Variants in COL18A1 observed in about 807,000 individuals in gnomAD.
COL18A1 encodes the protein collagen alpha-1(XVIII) chain.
COL18A1 carries 133 observed loss-of-function variants against 168.0 expected under a neutral mutation model. That is an observed-to-expected ratio of 0.79 (90% CI 0.69 to 0.91). The LOEUF is 0.91. COL18A1 is among the 40% of genes least tolerant of loss of function. COL18A1 has a pLI of 0.00. For missense variants in COL18A1, 2,126 were observed against 1,925.4 expected (o/e 1.10, Z -1.95); for synonymous variants, 949 against 809.0 (o/e 1.17, Z -2.94).
chr21:45,474,462 C>CTG (rs745832711), intron 4 of COL18A1, among the ~76,000 whole-genome samples: 2 of 132,194 alleles, frequency 1.5e-5, no homozygotes, highest in African/African-American at 6.5e-5. Flanking sequence ...TAGTGTGTCT[C>CTG]TGTGTGTGGT....
intron 15 of COL18A1, among the ~76,000 whole-genome samples, 161 bp downstream of exon 15, chr21:45,482,982 C>T (rs1177231620): frequency 1.1e-4 from 16 of 152,220 alleles, no homozygotes; most frequent in South Asian, 2.1e-4. Context: ...CTGCCGGAAT[C>T]GCGGGCAGCA....
intron 2 of COL18A1, chr21:45,419,931 T>C (rs1300918082): frequency 6.6e-6 from 1 of 152,222 alleles, no homozygotes; most frequent in African/African-American, 2.4e-5. Flanking sequence ...CCCCGCTCTG[T>C]GGCCCGGTGG....
At chr21:45,428,572 C>T (rs1011687924) in intron 2 of COL18A1, among the ~76,000 whole-genome samples, 1 of 152,186 alleles carries the variant, frequency 6.6e-6, no homozygotes, top group Admixed American at 6.5e-5. Flanking sequence ...CACCACTGCC[C>T]AACTCTAGAA....
chr21:45,509,629 C>G (rs771695982), intron 39 of COL18A1, 28 bp downstream of exon 39: 3 of 1,207,012 alleles, frequency 2.5e-6, no homozygotes, highest in South Asian at 2.6e-5. Context: ...GTGGGCTTGG[C>G]TCCATCTAGC....
chr21:45,427,101 G>A (rs1027972148), intron 2 of COL18A1, among the ~76,000 whole-genome samples: 1 of 152,170 alleles, frequency 6.6e-6, no homozygotes, highest in South Asian at 2.1e-4. Flanking sequence ...TTAAAAAGCC[G>A]GGCTCTCTCC....
chr21:45,492,799 G>T (rs1450912645), intron 24 of COL18A1, 86 bp downstream of exon 24: 1 of 1,066,874 alleles, frequency 9.4e-7, no homozygotes, highest in East Asian at 2.4e-5. Flanking sequence ...GTCGAGCTGG[G>T]GTGGGCCTTG....
chr21:45,479,555 TATCACACATGTA>T (rs1260812441), intron 9 of COL18A1, among the ~76,000 whole-genome samples: 1 of 146,440 alleles, frequency 6.8e-6, no homozygotes, highest in Non-Finnish European at 1.5e-5. Context: ...CACACATACA[TATCACACATGTA>T]CACACCACAC....
At chr21:45,424,935 T>C (rs903237072) in intron 2 of COL18A1, 1 of 152,332 alleles carries the variant, frequency 6.6e-6, no homozygotes, top group African/African-American at 2.4e-5. Context: ...TTCTCTTTGA[T>C]GTGTTTCCAC....
At chr21:45,499,695 G>A (rs1441546636) in intron 32 of COL18A1, among the ~76,000 whole-genome samples, 1 of 152,238 alleles carries the variant, frequency 6.6e-6, no homozygotes, top group Non-Finnish European at 1.5e-5. Flanking sequence ...TCAGCGCCCT[G>A]GGGAGTGGTG....
At chr21:45,495,200 A>C in intron 28 of COL18A1, 158 bp from the exon 29 acceptor site, 1 of 696,038 alleles carries the variant, frequency 1.4e-6, no homozygotes. Context: ...TGTGCAGGAA[A>C]GGGGTGAGAA....
chr21:45,480,707 G>A lies in COL18A1; in HGVS notation c.1460G>A (p.Arg487Gln), dbSNP rs371292624. The A allele has an allele frequency of 6.5e-5, 105 of 1,610,766 alleles. No individual in the cohort carries two copies. The highest frequency in any genetic ancestry group is 8.5e-5 in the Non-Finnish European group (100 of 1,179,952). ...GGDLEALRGPRGFPGPPGPPG... is the reference protein window; with the variant it reads ...GGDLEALRGPQGFPGPPGPPG... ...GTGTTCGCCCACGTCCAGGGTCCTC[G>A]AGGCTTCCCTGGACCTCCCGGACCC... The change falls in exon 13 of 42, where the codon CGA becomes CAA. Residue 487 changes from arginine (R) to glutamine (Q), a missense_variant. Physicochemically the swap from Arg to Gln is conservative, Grantham distance 43. Coordinates refer to ENST00000651438, the MANE Select transcript of COL18A1 (RefSeq NM_001379500.1).
chr21:45,425,810 C>T lies in COL18A1; in HGVS notation c.106+20337C>T, dbSNP rs995376847. Among the ~76,000 whole-genome samples, 6 of 151,466 alleles carry T rather than the reference C, an allele frequency of 4.0e-5. No individual in the cohort carries two copies. Among genetic ancestry groups the T allele is most frequent in the Admixed American group, 6.6e-5 (1 of 15,234 alleles). The stretch of plus-strand genomic sequence containing the variant: ...GCAAAGCCAGAGCGCCAAGGGCTCT[C>T]GGGATTCACGAGATCCACATTTATC... On this transcript the variant is annotated intron_variant, in intron 2 of 41. Coordinates refer to ENST00000651438, the MANE Select transcript of COL18A1 (RefSeq NM_001379500.1). The surrounding 1 kb of genome is among the most constrained non-coding windows in gnomAD (Gnocchi z 4.1).
At chr21:45,455,355 C>A (rs2034757431) in intron 2 of COL18A1, 3 of 837,032 alleles carry the variant, frequency 3.6e-6, no homozygotes, top group Non-Finnish European at 5.5e-6. Context: ...GGGTGCTGGG[C>A]ACCTTGATTC....
intron 2 of COL18A1, among the ~76,000 whole-genome samples, chr21:45,434,855 C>G (rs2034058180): frequency 6.6e-6 from 1 of 152,190 alleles, no homozygotes; most frequent in Admixed American, 6.5e-5. Context: ...GCTGGGGTCT[C>G]TCTGGTGAGG....
chr21:45,434,899 AC>A (rs2034059467), intron 2 of COL18A1, among the ~76,000 whole-genome samples: 2 of 151,992 alleles, frequency 1.3e-5, no homozygotes, highest in African/African-American at 4.8e-5. Flanking sequence ...CCGGTCCTAG[AC>A]CAGGCCCTGG....
chr21:45,504,410 C>T lies in COL18A1; in HGVS notation c.2728-6C>T. The T allele has an allele frequency of 6.2e-7, 1 of 1,610,906 alleles. No individual in the cohort carries two copies. Among genetic ancestry groups the T allele is most frequent in the Non-Finnish European group, 8.5e-7 (1 of 1,178,922 alleles). On this transcript the variant is annotated splice_region_variant and splice_polypyrimidine_tract_variant and intron_variant, in intron 33 of 41. Transcript: ENST00000651438. ...GCTCCCGTGTAACAAGTGTTTCCGT[C>T]CACAGGGGGAGAAGGGAGACCGAGG...
At chr21:45,484,751 TGTA>T (rs1195101452) in intron 15 of COL18A1, among the ~76,000 whole-genome samples, 2 of 152,364 alleles carry the variant, frequency 1.3e-5, no homozygotes, top group Non-Finnish European at 2.9e-5. Flanking sequence ...CACATGTATT[TGTA>T]GTGTGTGTGC....
At position 45,498,948 on chromosome 21, in the gene COL18A1, C is replaced by T. The variant is rs1440288816; in HGVS notation, c.2683+1287C>T. On this transcript the variant is annotated intron_variant, in intron 32 of 41. Transcript: ENST00000651438. This position sits in a 1 kb window ranked among gnomAD's most constrained non-coding sequence, Gnocchi z 4.5. ...AGACCTGTGTATAGGTTTTGGTCGA[C>T]GTGGGATTGCTTGTCCCTGGGAGCC... Among the ~76,000 whole-genome samples, 2 of 152,102 alleles carry T rather than the reference C, an allele frequency of 1.3e-5. No homozygotes were observed. Among genetic ancestry groups the T allele is most frequent in the East Asian group, 1.9e-4 (1 of 5,180 alleles).
chr21:45,449,225 A>G (rs2145834932), intron 2 of COL18A1, among the ~76,000 whole-genome samples: 1 of 152,136 alleles, frequency 6.6e-6, no homozygotes, highest in South Asian at 2.1e-4. Context: ...ACCAAGCCCG[A>G]GGGGAGGGCC....
Sources: gnomAD v4.1 joint callset for allele counts (sites outside exome capture counted in the v4.1 genomes callset) on GRCh38, gnomAD v4.1.1 for gene constraint, Gnocchi (gnomAD v3.1) non-coding constraint, MANE v1.5 for transcripts, NCBI Gene and HGNC (gene_info 2026-07-23, HGNC 2026-07-21) for gene names.